The following ZNF30 variants were observed in gnomAD, a reference collection of about 807,000 sequenced individuals.
The protein encoded by ZNF30 is zinc finger protein 30.
ZNF30 carries 15 observed loss-of-function variants against 13.2 expected under a neutral mutation model. The ratio of observed to expected loss-of-function variants is 1.13; its 90% CI spans 0.76 to 1.75. ZNF30 has a LOEUF of 1.75. Ranked by LOEUF, ZNF30 falls within the 40% of genes most tolerant of loss-of-function variation. ZNF30 has a pLI of 0.00. For missense variants in ZNF30, 726 were observed against 757.0 expected (o/e 0.96, Z 0.48); for synonymous variants, 223 against 256.6 (o/e 0.87, Z 1.25).
chr19:34,924,704 C>T (rs946634410), upstream of ZNF30, among the ~76,000 whole-genome samples: 5 of 152,140 alleles, frequency 3.3e-5, no homozygotes, highest in African/African-American at 9.7e-5. Flanking sequence ...AGGTCTATCA[C>T]CTTCTTATTT....
chr19:34,940,667 C>CAAAAA (rs59553578), intron 4 of ZNF30, among the ~76,000 whole-genome samples: 181 of 63,610 alleles, frequency 2.8e-3, no homozygotes, highest in Middle Eastern at 7.2e-3. Flanking sequence ...GACTCCGTCT[C>CAAAAA]AAAAAAAAAA....
rs751986029 is a variant in ZNF30 at position 34,944,654 on chromosome 19, C to T, written c.1688C>T (p.Thr563Ile). ...GQLIGHQSVH[T>I]GEKPFECKEC... ...CTTATTGGACATCAGAGTGTTCACACTGGTGAGAAACCTTTTGAATGTAAG... is the reference window on the plus strand; with the variant it reads ...CTTATTGGACATCAGAGTGTTCACATTGGTGAGAAACCTTTTGAATGTAAG... The change falls in exon 5 of 5, where the codon ACT becomes ATT. Residue 563 changes from threonine (T) to isoleucine (I), a missense_variant. Physicochemically the swap from Thr to Ile is moderately conservative, Grantham distance 89. Coordinates refer to ENST00000601142, the MANE Select transcript of ZNF30 (RefSeq NM_194325.3). 1.9e-6 allele frequency: 3 copies of T among 1,612,506 alleles called. No homozygotes were observed. Among genetic ancestry groups the T allele is most frequent in the Non-Finnish European group, 2.5e-6 (3 of 1,178,762 alleles).
intron 4 of ZNF30, chr19:34,942,500 A>T: frequency 2.4e-6 from 1 of 419,144 alleles, no homozygotes; most frequent in Non-Finnish European, 3.7e-6. Flanking sequence ...CCAAAGAATG[A>T]AGTGCTAGAA....
intron 4 of ZNF30, among the ~76,000 whole-genome samples, 190 bp downstream of exon 4, chr19:34,933,913 A>G (rs1356010847): frequency 2.0e-5 from 3 of 152,186 alleles, no homozygotes; most frequent in Admixed American, 6.5e-5. Context: ...ATCTTTACTT[A>G]TTTTAATACT....
chr19:34,933,681 C>T lies in ZNF30; in HGVS notation c.214C>T (p.Pro72Ser), dbSNP rs1173215348. The change falls in exon 4 of 5, where the codon CCT becomes TCT. Residue 72 changes from proline to serine, a missense_variant. By Grantham distance (74) the Pro-to-Ser change is moderately conservative. Transcript: ENST00000601142. ...CGCCTTATTGGAACAATGGAAAGAG[C>T]CTGAAGTGACAGTGAGGAAAGATGG... ...VIALLEQWKE[P>S]EVTVRKDGRR... is the part of the protein sequence containing the mutation. 5.0e-6 allele frequency: 8 copies of T among 1,598,168 alleles called. No individual in the cohort carries two copies. Among genetic ancestry groups the T allele is most frequent in the Non-Finnish European group, 6.8e-6 (8 of 1,172,054 alleles).
In ZNF30 at chr19:34,944,338, T is replaced by A; in HGVS notation, c.1372T>A (p.Cys458Ser). 3 of 1,614,088 alleles carry A rather than the reference T, an allele frequency of 1.9e-6. No individual in the cohort carries two copies. Among genetic ancestry groups the A allele is most frequent in the East Asian group, 2.2e-5 (1 of 44,884 alleles). The change falls in exon 5 of 5, where the codon TGT (cysteine) becomes AGT (serine). Residue 458 changes from cysteine to serine, a missense_variant. By Grantham distance (112) the Cys-to-Ser change is moderately radical. Transcript: ENST00000601142. ...RVHTGEKPYECKECGKAFRVH... is the reference protein window; with the variant it reads ...RVHTGEKPYESKECGKAFRVH... ...TCATACTGGAGAGAAACCCTATGAG[T>A]GTAAGGAATGTGGCAAGGCCTTCAG...
chr19:34,942,366 G>T (rs998372985), intron 4 of ZNF30, among the ~76,000 whole-genome samples: 2 of 151,844 alleles, frequency 1.3e-5, no homozygotes, highest in South Asian at 4.2e-4. Context: ...GGAATCACCT[G>T]AGCCTGGGAG....
At chr19:34,936,750 G>A (rs2012762296) in intron 4 of ZNF30, among the ~76,000 whole-genome samples, 1 of 152,010 alleles carries the variant, frequency 6.6e-6, no homozygotes, top group Non-Finnish European at 1.5e-5. Flanking sequence ...GTACAAATTA[G>A]CTATGCATGG....
At chr19:34,933,780 C>A in intron 4 of ZNF30, 57 bp downstream of exon 4, 1 of 1,226,778 alleles carries the variant, frequency 8.2e-7, no homozygotes, top group Non-Finnish European at 1.2e-6. Context: ...GCCCAGCTGT[C>A]AGGGAGGAAG....
At position 34,933,652 on chromosome 19, in the gene ZNF30, T is replaced by TATC; in HGVS notation, c.185_186insATC (p.Val62_Ile63insSer). On this transcript the variant is annotated inframe_insertion, in exon 4 of 5. Transcript: ENST00000601142. ...GGACATTCCCGTTCTAAACCACATG[T>TATC]GATCGCCTTATTGGAACAATGGAAA... 1 of 1,601,332 alleles carries TATC rather than the reference T, an allele frequency of 6.2e-7. No individual in the cohort carries two copies. Among genetic ancestry groups the TATC allele is most frequent in the Non-Finnish European group, 8.5e-7 (1 of 1,173,652 alleles).
At chr19:34,942,570 A>G in intron 4 of ZNF30, 2 of 1,204,138 alleles carry the variant, frequency 1.7e-6, no homozygotes, top group Non-Finnish European at 2.2e-6. Context: ...TGATAAAGTG[A>G]CATTTTATTT....
chr19:34,940,806 A>G (rs1311374491), intron 4 of ZNF30, among the ~76,000 whole-genome samples: 1 of 152,158 alleles, frequency 6.6e-6, no homozygotes, highest in Non-Finnish European at 1.5e-5. Context: ...TACGATCAGA[A>G]TTTATAGTTC....
At position 34,932,950 on chromosome 19, in the gene ZNF30, T is replaced by A. The variant is rs140913094; in HGVS notation, c.161-678T>A. The stretch of plus-strand genomic sequence containing the variant: ...CGTACACCACCACACCCAGCTAATT[T>A]TTGTATTTTTGATAGAAACAGGGTT... On this transcript the variant is annotated intron_variant, in intron 3 of 4. Coordinates refer to ENST00000601142, the MANE Select transcript of ZNF30 (RefSeq NM_194325.3). Among the ~76,000 whole-genome samples the A allele has an allele frequency of 6.9e-3, 1,044 of 151,730 alleles. 14 individuals carry two copies. Among genetic ancestry groups the A allele is most frequent in the African/African-American group, 0.024 (1,005 of 41,354 alleles).
intron 4 of ZNF30, among the ~76,000 whole-genome samples, chr19:34,934,518 G>A (rs1446741612): frequency 6.6e-6 from 1 of 152,102 alleles, no homozygotes; most frequent in African/African-American, 2.4e-5. Context: ...TCCTGCCTTG[G>A]CCTCCCAAAG....
chr19:34,942,288 C>T (rs970128621), intron 4 of ZNF30, among the ~76,000 whole-genome samples: 2 of 151,580 alleles, frequency 1.3e-5, no homozygotes, highest in African/African-American at 4.8e-5. Context: ...ATAAAAATTA[C>T]AAAAAAATTA....
chr19:34,930,732 A>G (rs1427697109), intron 2 of ZNF30, among the ~76,000 whole-genome samples: 1 of 152,088 alleles, frequency 6.6e-6, no homozygotes. Flanking sequence ...GCATGGGGGC[A>G]CATGCCTGTA....
In ZNF30 at chr19:34,929,976, T is replaced by G. The variant is rs2012358342; in HGVS notation, c.9+20T>G. 1.9e-5 allele frequency: 31 copies of G among 1,601,490 alleles called. No homozygotes were observed. In the East Asian group the frequency reaches 6.9e-4, roughly 36 times the overall value. ...GCCCATGTAAGTTGGTGTTTCTTCT[T>G]GAAATATGGGGATTTTTATATTACG... On this transcript the variant is annotated intron_variant, in intron 2 of 4. Coordinates refer to ENST00000601142, the MANE Select transcript of ZNF30 (RefSeq NM_194325.3).
Position 34,943,948 on chromosome 19 carries a change from T to G in ZNF30, c.982T>G (p.Tyr328Asp). Residue 328 changes from tyrosine to aspartate, a missense_variant, in exon 5 of 5, where the codon TAT (tyrosine) becomes GAT (aspartate). Tyr to Asp is a radical substitution (Grantham distance 160). Coordinates refer to ENST00000601142, the MANE Select transcript of ZNF30 (RefSeq NM_194325.3). ...CKECGKSFTV[Y>D]GQLTRHQSIH... ...GGAGTGTGGGAAGTCCTTCACTGTG[T>G]ATGGACAGCTTACTCGACATCAGAG... 1 of 1,613,508 alleles carries G rather than the reference T, an allele frequency of 6.2e-7. No individual in the cohort carries two copies. Among genetic ancestry groups the G allele is most frequent in the Non-Finnish European group, 8.5e-7 (1 of 1,179,868 alleles).
In ZNF30 at chr19:34,943,397, G is replaced by A; in HGVS notation, c.431G>A (p.Ser144Asn). ...GTTCAACATGAAAGAATACATAGTAGTGAAAAACCCAACAGATGTAAAGAA... is the reference window on the plus strand; with the variant it reads ...GTTCAACATGAAAGAATACATAGTAATGAAAAACCCAACAGATGTAAAGAA... Reference protein sequence around the residue: ...KPVQHERIHSSEKPNRCKECG... With the variant: ...KPVQHERIHSNEKPNRCKECG... The change falls in exon 5 of 5, where the codon AGT becomes AAT. Residue 144 changes from serine (S) to asparagine (N), a missense_variant. Transcript: ENST00000601142. The A allele has an allele frequency of 6.2e-7, 1 of 1,613,980 alleles. No individual in the cohort carries two copies. The highest frequency in any genetic ancestry group is 8.5e-7 in the Non-Finnish European group (1 of 1,179,886).
Sources: gnomAD v4.1 joint callset for allele counts (sites outside exome capture counted in the v4.1 genomes callset) on GRCh38, gnomAD v4.1.1 for gene constraint, MANE v1.5 for transcripts, NCBI Gene and HGNC (gene_info 2026-07-23, HGNC 2026-07-21) for gene names.